Variants in RAB38 observed in about 807,000 individuals in gnomAD.
RAB38 encodes ras-related protein Rab-38.
In RAB38, 15 loss-of-function variants were observed where a neutral mutation model predicts 18.4. The ratio of observed to expected loss-of-function variants is 0.82; its 90% CI spans 0.55 to 1.26. RAB38 has a LOEUF of 1.26. RAB38 is among the 50% of genes most tolerant of loss of function. The pLI, the probability that RAB38 is intolerant of heterozygous loss-of-function variation, is 0.00. For missense variants in RAB38, 294 were observed against 267.4 expected (o/e 1.10, Z -0.69); for synonymous variants, 101 against 104.4 (o/e 0.97, Z 0.20).
At chr11:87,937,988 T>C in the RAB38 span, among the ~76,000 whole-genome samples, 19 of 152,168 alleles carry the variant, frequency 1.2e-4, no homozygotes, top group African/African-American at 4.1e-4. Flanking sequence ...CTTTCAGATC[T>C]TTCTGGCTTT....
the RAB38 span, among the ~76,000 whole-genome samples, chr11:88,052,117 C>G: frequency 5.3e-5 from 8 of 152,080 alleles, no homozygotes; most frequent in Non-Finnish European, 1.2e-4. Context: ...GAGCGAAACT[C>G]CGCCTCAAAA....
the RAB38 span, among the ~76,000 whole-genome samples, chr11:87,912,109 A>G: frequency 4.6e-5 from 7 of 152,014 alleles, no homozygotes; most frequent in Admixed American, 1.3e-4. Flanking sequence ...AATTTTCTAA[A>G]ATGTTAAGAA....
the RAB38 span, among the ~76,000 whole-genome samples, chr11:87,863,878 A>G: frequency 1.3e-5 from 2 of 151,880 alleles, no homozygotes; most frequent in East Asian, 3.9e-4. Context: ...TTTAAATTAA[A>G]TAATACAGTG....
At chr11:87,833,527 T>C in the RAB38 span, among the ~76,000 whole-genome samples, 5 of 152,232 alleles carry the variant, frequency 3.3e-5, no homozygotes, top group African/African-American at 7.2e-5. Context: ...ATAATGTCGA[T>C]TTGTAATGAT....
At chr11:87,877,026 A>G in the RAB38 span, among the ~76,000 whole-genome samples, 1 of 151,644 alleles carries the variant, frequency 6.6e-6, no homozygotes, top group African/African-American at 2.4e-5. Context: ...ATACTCATCA[A>G]CAGTAAATAT....
At chr11:88,011,494 A>G in the RAB38 span, among the ~76,000 whole-genome samples, 2 of 152,168 alleles carry the variant, frequency 1.3e-5, no homozygotes, top group African/African-American at 4.8e-5. Context: ...TGTAGTCCAA[A>G]CTCAAACATA....
At chr11:88,034,125 A>T in the RAB38 span, among the ~76,000 whole-genome samples, 1 of 152,194 alleles carries the variant, frequency 6.6e-6, no homozygotes, top group Admixed American at 6.5e-5. Flanking sequence ...CAATTCAATA[A>T]TGTTACATAA....
At chr11:88,085,471 C>G in the RAB38 span, among the ~76,000 whole-genome samples, 4 of 151,840 alleles carry the variant, frequency 2.6e-5, no homozygotes, top group Admixed American at 2.0e-4. Context: ...TGGCTCCAAA[C>G]CTAATTATAT....
At position 88,175,253 on chromosome 11, in the gene RAB38, C is replaced by T; in HGVS notation, c.132G>A (p.Val44=). The T allele has an allele frequency of 6.2e-7, 1 of 1,614,150 alleles. No homozygotes were observed. Among genetic ancestry groups the T allele is most frequent in the Non-Finnish European group, 8.5e-7 (1 of 1,180,018 alleles). The change falls in exon 1 of 3, where the codon GTG becomes GTA. Residue 44 remains valine, a synonymous_variant. Coordinates refer to ENST00000243662, the MANE Select transcript of RAB38 (RefSeq NM_022337.3). ...AGTGGAGCACCTTGAGCGCGAAGTC[C>T]ACGCCGATTGTGGCCCGGTAGTGCG... ...FSSHYRATIG[V]DFALKVLHWD... is the part of the protein sequence containing the mutation.
At chr11:87,955,537 C>T in the RAB38 span, among the ~76,000 whole-genome samples, 2 of 152,212 alleles carry the variant, frequency 1.3e-5, no homozygotes, top group African/African-American at 4.8e-5. Context: ...TATCAGTAGA[C>T]AATATGACTT....
At chr11:87,824,464 T>C in the RAB38 span, among the ~76,000 whole-genome samples, 1 of 151,904 alleles carries the variant, frequency 6.6e-6, no homozygotes, top group African/African-American at 2.4e-5. Flanking sequence ...AAAATGAACA[T>C]AAAATGTACT....
chr11:87,865,876 A>G, the RAB38 span, among the ~76,000 whole-genome samples: 4 of 151,742 alleles, frequency 2.6e-5, no homozygotes, highest in African/African-American at 9.7e-5. Context: ...CTCAGGGACT[A>G]TGTTGGTGCA....
the RAB38 span, among the ~76,000 whole-genome samples, chr11:87,902,910 T>G: frequency 5.3e-4 from 80 of 151,102 alleles, no homozygotes; most frequent in African/African-American, 1.7e-3. Context: ...TATATAATGC[T>G]TGTATCTTTT....
chr11:87,844,132 T>C, the RAB38 span, among the ~76,000 whole-genome samples: 1 of 152,264 alleles, frequency 6.6e-6, no homozygotes, highest in Non-Finnish European at 1.5e-5. Flanking sequence ...CATTATGCTC[T>C]GTAGTTTAAA....
the RAB38 span, among the ~76,000 whole-genome samples, chr11:88,025,228 T>C: frequency 2.7e-5 from 4 of 150,760 alleles, no homozygotes; most frequent in Non-Finnish European, 4.4e-5. Context: ...ATATAACTTA[T>C]GTATATAACT....
chr11:87,974,538 G>A, the RAB38 span, among the ~76,000 whole-genome samples: 12 of 151,706 alleles, frequency 7.9e-5, no homozygotes, highest in South Asian at 2.1e-4. Flanking sequence ...GGAAAAATAA[G>A]ATAGAGAATA....
At chr11:88,106,480 C>T in the RAB38 span, among the ~76,000 whole-genome samples, 2 of 152,200 alleles carry the variant, frequency 1.3e-5, no homozygotes, top group South Asian at 4.1e-4. Context: ...TCTTTGAGCT[C>T]TTTGAAAGAC....
chr11:87,816,960 T>C, the RAB38 span: 2 of 152,140 alleles, frequency 1.3e-5, no homozygotes, highest in South Asian at 4.1e-4. Context: ...GTGGAGCTCA[T>C]TCTATATGAA....
chr11:87,938,045 T>C, the RAB38 span, among the ~76,000 whole-genome samples: 2 of 152,126 alleles, frequency 1.3e-5, no homozygotes, highest in Non-Finnish European at 2.9e-5. Flanking sequence ...TTTCACATTA[T>C]ATACTGAGAT....
Sources: allele counts gnomAD v4.1 joint callset (sites outside exome capture counted in the v4.1 genomes callset), GRCh38; gene constraint gnomAD v4.1.1; transcripts MANE v1.5; gene names NCBI Gene and HGNC (gene_info 2026-07-23, HGNC 2026-07-21).